Variants in HIVEP1 observed in about 807,000 individuals in gnomAD.
HIVEP1 encodes the protein zinc finger protein 40.
HIVEP1 carries 36 observed loss-of-function variants against 180.0 expected under a neutral mutation model. The observed-to-expected ratio is 0.20, with a 90% CI of 0.15 to 0.26. The LOEUF is 0.26. Among genes scored for constraint, HIVEP1 ranks in the 10% least tolerant of loss-of-function variants. The probability of loss-of-function intolerance (pLI) is 1.00; values close to 1 mark genes in which losing one functional copy is unlikely to be tolerated. For synonymous variants in HIVEP1, 1,239 were observed against 1,239.0 expected (o/e 1.00, Z 0.00); for missense variants, 3,143 against 3,268.7 (o/e 0.96, Z 0.94).
intron 3 of HIVEP1, among the ~76,000 whole-genome samples, chr6:12,100,942 C>T (rs1461970902): frequency 1.3e-5 from 2 of 152,154 alleles, no homozygotes; most frequent in Non-Finnish European, 2.9e-5. Context: ...CATTTCTGGT[C>T]CCAAGCATTT....
downstream of HIVEP1, among the ~76,000 whole-genome samples, chr6:12,167,570 TGTTATATATACGTTATATTACATG>T (rs1215205704): frequency 4.4e-3 from 7 of 1,584 alleles, no homozygotes; most frequent in African/African-American, 0.014. Context: ...ATTACATGCA[TGTTATATATACGTTATATTACATG>T]TATATATACA....
Position 12,161,831 on chromosome 6 carries a change from A to G in HIVEP1, c.6880A>G (p.Thr2294Ala), listed in dbSNP as rs745793422. The G allele has an allele frequency of 1.2e-6, 2 of 1,614,160 alleles. No individual in the cohort carries two copies. The highest frequency in any genetic ancestry group is 8.5e-7 in the Non-Finnish European group (1 of 1,180,028). ...AAACGACACAATTCCGTCTGTAGACACTTCCAGGTCCCCGTGTCATCAGAT... is the reference window on the plus strand; with the variant it reads ...AAACGACACAATTCCGTCTGTAGACGCTTCCAGGTCCCCGTGTCATCAGAT... The part of the protein sequence containing the change: ...DENDTIPSVD[T>A]SRSPCHQMSV... The change falls in exon 8 of 9, where the codon ACT becomes GCT. Residue 2294 changes from threonine (T) to alanine (A), a missense_variant. Around this residue, in one of 12 missense-constraint regions of HIVEP1, gnomAD observed 595 missense variants for 602.2 expected, o/e 0.99. Transcript: ENST00000379388.
At chr6:12,147,475 A>T (rs1581783868) in intron 7 of HIVEP1, among the ~76,000 whole-genome samples, 1 of 152,214 alleles carries the variant, frequency 6.6e-6, no homozygotes, top group South Asian at 2.1e-4. Context: ...AAAAGATTAT[A>T]GGGCTTTTAA....
Position 12,120,212 on chromosome 6 carries a change from A to C in HIVEP1, c.417A>C (p.Gln139His), listed in dbSNP as rs2228215. 6.2e-7 allele frequency: 1 copy of C among 1,613,992 alleles called. No homozygotes were observed. Among genetic ancestry groups the C allele is most frequent in the Admixed American group, 1.7e-5 (1 of 60,000 alleles). ...CAAAGAAGCCCTTGTTTCTGCAGCA[A>C]CCATCTGAACTGCGTAGATGGAGAT... Reference protein sequence around the residue: ...VSPKKPLFLQQPSELRRWRSE... With the variant: ...VSPKKPLFLQHPSELRRWRSE... The change falls in exon 4 of 9, where the codon CAA (glutamine) becomes CAC (histidine). Residue 139 changes from glutamine to histidine, a missense_variant. Around this residue, in one of 12 missense-constraint regions of HIVEP1, gnomAD observed 306 missense variants for 310.6 expected, o/e 0.99. Coordinates refer to ENST00000379388, the MANE Select transcript of HIVEP1 (RefSeq NM_002114.4).
At chr6:12,083,084 A>T (rs759179327) in intron 2 of HIVEP1, among the ~76,000 whole-genome samples, 32 of 151,812 alleles carry the variant, frequency 2.1e-4, no homozygotes, top group Non-Finnish European at 3.1e-4. Context: ...CTGCCTGTTA[A>T]TGCACTACCT....
At chr6:12,172,654 A>G in the HIVEP1 span, among the ~76,000 whole-genome samples, 4 of 152,188 alleles carry the variant, frequency 2.6e-5, no homozygotes, top group African/African-American at 9.7e-5. Context: ...CACATTTTAT[A>G]TAGTGCAGTA....
rs2228217 is a variant in HIVEP1, at chr6:12,121,380, C to T, written c.1585C>T (p.Leu529=). Residue 529 remains leucine, a synonymous_variant, in exon 4 of 9, where the codon CTA becomes TTA. Transcript: ENST00000379388. The surrounding 1 kb of genome is among the most constrained non-coding windows in gnomAD (Gnocchi z 5.3). ...GAGGATGTCAAATGCTGAAACTTTA[C>T]TAAAATCAAGCTTCACTCCAAGCAG... ...IKRMSNAETL[L]KSSFTPSSPE... The T allele has an allele frequency of 6.7e-4, 1,080 of 1,614,126 alleles. 7 individuals are homozygous for T. In the African/African-American group the frequency reaches 0.012, roughly 18 times the overall value.
At chr6:12,203,540 T>C in the HIVEP1 span, among the ~76,000 whole-genome samples, 1 of 152,220 alleles carries the variant, frequency 6.6e-6, no homozygotes, top group East Asian at 1.9e-4. Flanking sequence ...TTTATTATTA[T>C]AGAGGTGACA....
chr6:12,125,722 A>G lies in HIVEP1; in HGVS notation c.5927A>G (p.Asn1976Ser). 9.3e-6 allele frequency: 15 copies of G among 1,614,202 alleles called. No individual in the cohort carries two copies. Among genetic ancestry groups the G allele is most frequent in the Non-Finnish European group, 1.2e-5 (14 of 1,180,036 alleles). The stretch of plus-strand genomic sequence containing the variant: ...TGGACAGTAAGCGCCAGTAATCCAA[A>G]TCCACTCGGTTTGCCCACAAAAGTT... ...TDWTVSASNP[N>S]PLGLPTKVAL... The change falls in exon 4 of 9, where the codon AAT becomes AGT. Residue 1976 changes from asparagine (N) to serine (S), a missense_variant. Around this residue, in one of 12 missense-constraint regions of HIVEP1, gnomAD observed 1,357 missense variants for 1,260.5 expected, o/e 1.08. Coordinates refer to ENST00000379388, the MANE Select transcript of HIVEP1 (RefSeq NM_002114.4).
intron 7 of HIVEP1, among the ~76,000 whole-genome samples, chr6:12,160,815 G>A (rs1466770718): frequency 6.6e-6 from 1 of 152,220 alleles, no homozygotes; most frequent in African/African-American, 2.4e-5. Flanking sequence ...GTGGCAATGG[G>A]AAGCAGCTTC....
chr6:12,052,018 G>C (rs1770576942), intron 2 of HIVEP1, among the ~76,000 whole-genome samples: 2 of 152,150 alleles, frequency 1.3e-5, no homozygotes, highest in South Asian at 4.1e-4. Flanking sequence ...GCATGTCGTG[G>C]TGTGTGGTTA....
chr6:12,041,526 C>T (rs564260420), intron 2 of HIVEP1, among the ~76,000 whole-genome samples: 3 of 150,946 alleles, frequency 2.0e-5, no homozygotes, highest in Non-Finnish European at 4.4e-5. Context: ...TCCTTCCCCC[C>T]AACTTAAGAA....
At chr6:12,111,445 G>C (rs1338030802) in intron 3 of HIVEP1, among the ~76,000 whole-genome samples, 1 of 152,240 alleles carries the variant, frequency 6.6e-6, no homozygotes, top group Non-Finnish European at 1.5e-5. Flanking sequence ...ACAGGACCTG[G>C]CTATAATGAT....
upstream of HIVEP1, chr6:12,007,915 G>A (rs1200101036): frequency 6.6e-6 from 1 of 151,512 alleles, no homozygotes; most frequent in Non-Finnish European, 1.5e-5. Flanking sequence ...TGTTTATCCT[G>A]TCTCCATTAA....
chr6:12,047,319 A>C (rs948505871), intron 2 of HIVEP1, among the ~76,000 whole-genome samples: 17 of 152,276 alleles, frequency 1.1e-4, no homozygotes, highest in African/African-American at 4.1e-4. Context: ...AGTGATGTAC[A>C]TGAGCATTAA....
intron 3 of HIVEP1, among the ~76,000 whole-genome samples, chr6:12,099,412 C>T (rs1410049522): frequency 6.6e-6 from 1 of 151,994 alleles, no homozygotes; most frequent in Non-Finnish European, 1.5e-5. Flanking sequence ...GTGATCCGCC[C>T]GCCTCGGCCT....
At chr6:12,176,995 G>A in the HIVEP1 span, among the ~76,000 whole-genome samples, 1 of 152,200 alleles carries the variant, frequency 6.6e-6, no homozygotes, top group Admixed American at 6.5e-5. Flanking sequence ...GAAAAAGAAC[G>A]AGATCATATC....
chr6:12,121,928 A>G lies in HIVEP1; in HGVS notation c.2133A>G (p.Ala711=). 1 of 1,614,196 alleles carries G rather than the reference A, an allele frequency of 6.2e-7. No individual in the cohort carries two copies. The highest frequency in any genetic ancestry group is 2.2e-5 in the East Asian group (1 of 44,886). ...CTGGAAGGAGTAACGGACCCTCTGC[A>G]GCTCTTGTCACCACGTCAACACCCT... ...QDSGRSNGPS[A]ALVTTSTPSA... The change falls in exon 4 of 9, where the codon GCA becomes GCG. Residue 711 remains alanine, a synonymous_variant. Transcript: ENST00000379388. This position sits in a 1 kb window ranked among gnomAD's most constrained non-coding sequence, Gnocchi z 5.3.
chr6:12,032,502 G>A (rs557426462), intron 2 of HIVEP1, among the ~76,000 whole-genome samples: 86 of 152,232 alleles, frequency 5.6e-4, no homozygotes, highest in South Asian at 1.0e-3. Context: ...GGGAAAAAAA[G>A]CAAGAGTTTG....
Sources: gnomAD v4.1 joint callset for allele counts (sites outside exome capture counted in the v4.1 genomes callset) on GRCh38, gnomAD v4.1.1 for gene constraint, gnomAD v4.1.1 regional missense constraint, Gnocchi (gnomAD v3.1) non-coding constraint, MANE v1.5 for transcripts, NCBI Gene and HGNC (gene_info 2026-07-23, HGNC 2026-07-21) for gene names.